SVIL: variants seen among roughly 807,000 people sequenced by gnomAD.
SVIL encodes supervillin, also known as archvillin.
SVIL carries 101 observed loss-of-function variants against 240.4 expected under a neutral mutation model. That is an observed-to-expected ratio of 0.42 (90% confidence interval 0.36 to 0.50). SVIL has a LOEUF of 0.50. Ranked by LOEUF, SVIL falls within the 20% of genes least tolerant of loss-of-function variation. The pLI, the probability that SVIL is intolerant of heterozygous loss-of-function variation, is 0.01. For missense variants in SVIL, 2,512 were observed against 2,818.7 expected (o/e 0.89, Z 2.46); for synonymous variants, 999 against 1,100.0 (o/e 0.91, Z 1.82).
At chr10:29,571,865 G>A (rs570393686) in intron 1 of SVIL, among the ~76,000 whole-genome samples, 1 of 152,288 alleles carries the variant, frequency 6.6e-6, no homozygotes, top group South Asian at 2.1e-4. Flanking sequence ...ATAGACAACT[G>A]TTTGGTGATG....
intron 2 of SVIL, among the ~76,000 whole-genome samples, chr10:29,680,677 G>C (rs1431397513): frequency 6.6e-6 from 1 of 152,212 alleles, no homozygotes; most frequent in African/African-American, 2.4e-5. Flanking sequence ...CCAGCACTTT[G>C]GGAGGCCGAG....
intron 28 of SVIL, 139 bp from the exon 29 acceptor site, chr10:29,480,952 G>A: frequency 9.4e-7 from 1 of 1,061,522 alleles, no homozygotes; most frequent in Non-Finnish European, 1.4e-6. Flanking sequence ...TTTAACTGCA[G>A]TCAGGGAAAG....
chr10:29,526,769 G>A (rs909243361), intron 13 of SVIL, among the ~76,000 whole-genome samples, 192 bp downstream of exon 13: 1 of 152,218 alleles, frequency 6.6e-6, no homozygotes, highest in Non-Finnish European at 1.5e-5. Flanking sequence ...GAGACAAAAT[G>A]TTTTCCCACG....
chr10:29,469,602 G>A (rs1021686054), intron 32 of SVIL, among the ~76,000 whole-genome samples: 11 of 152,208 alleles, frequency 7.2e-5, no homozygotes, highest in African/African-American at 2.4e-4. Flanking sequence ...CGGGGGGGCC[G>A]GCCACCACAG....
At position 29,463,497 on chromosome 10, in the gene SVIL, C is replaced by T. The variant is rs987535972; in HGVS notation, c.6272G>A (p.Cys2091Tyr). The T allele has an allele frequency of 1.2e-6, 2 of 1,613,742 alleles. No homozygotes were observed. Among genetic ancestry groups the T allele is most frequent in the Admixed American group, 1.7e-5 (1 of 59,984 alleles). Residue 2091 changes from cysteine to tyrosine, a missense_variant, in exon 35 of 38, where the codon TGC (cysteine) becomes TAC (tyrosine). Around this residue, in one of 3 missense-constraint regions of SVIL, gnomAD observed 797 missense variants for 925.3 expected, o/e 0.86. Coordinates refer to ENST00000355867, the MANE Select transcript of SVIL (RefSeq NM_021738.3). ...KSAMETVLQY[C>Y]KGKNLKKPAP... ...CATGTTAGAGGGAGCCTCACCTTTG[C>T]AGTACTGGAGCACAGTCTCCATCGC...
intron 1 of SVIL, among the ~76,000 whole-genome samples, chr10:29,733,688 C>G (rs937343466): frequency 2.6e-5 from 4 of 152,204 alleles, no homozygotes; most frequent in African/African-American, 9.7e-5. Context: ...ATGGTGAAGG[C>G]AGCAACCGAA....
chr10:29,650,616 A>T (rs930082222), intron 3 of SVIL, among the ~76,000 whole-genome samples: 24 of 152,142 alleles, frequency 1.6e-4, no homozygotes, highest in African/African-American at 5.8e-4. Flanking sequence ...ATATATGAAC[A>T]GTTAGGACTG....
At chr10:29,540,962 G>A (rs187073500) in intron 6 of SVIL, among the ~76,000 whole-genome samples, 1 of 152,158 alleles carries the variant, frequency 6.6e-6, no homozygotes, top group African/African-American at 2.4e-5. Context: ...GCTCAACTGA[G>A]ATTTTAAAAT....
At chr10:29,693,423 G>T (rs565707213) in intron 1 of SVIL, among the ~76,000 whole-genome samples, 5 of 152,312 alleles carry the variant, frequency 3.3e-5, no homozygotes, top group African/African-American at 1.2e-4. Context: ...CATAGAAAAG[G>T]TTGCAGCTAT....
At chr10:29,655,655 A>C (rs903913909) in intron 3 of SVIL, among the ~76,000 whole-genome samples, 1 of 152,168 alleles carries the variant, frequency 6.6e-6, no homozygotes, top group Admixed American at 6.5e-5. Context: ...AATCAAGTTG[A>C]CACCTAATAT....
intron 1 of SVIL, among the ~76,000 whole-genome samples, chr10:29,716,974 T>C (rs1222529506): frequency 2.6e-5 from 4 of 152,212 alleles, no homozygotes; most frequent in African/African-American, 9.6e-5. Context: ...CTCACGCCTG[T>C]AATCCCAGCA....
chr10:29,638,262 G>C (rs1473178831), upstream of SVIL, among the ~76,000 whole-genome samples: 1 of 152,100 alleles, frequency 6.6e-6, no homozygotes, highest in Non-Finnish European at 1.5e-5. Context: ...AGGAGATTGA[G>C]AACATCCTAG....
At chr10:29,478,662 G>C (rs1379132557) in intron 29 of SVIL, among the ~76,000 whole-genome samples, 1 of 152,006 alleles carries the variant, frequency 6.6e-6, no homozygotes, top group Non-Finnish European at 1.5e-5. Context: ...AAGTAGATGA[G>C]GAATGCTGCT....
chr10:29,649,790 G>T (rs1958782255), intron 3 of SVIL, among the ~76,000 whole-genome samples: 1 of 152,198 alleles, frequency 6.6e-6, no homozygotes, highest in African/African-American at 2.4e-5. Context: ...GTCCCCCAGA[G>T]TTCATGTGCT....
chr10:29,557,388 G>A (rs1015891046), intron 3 of SVIL, among the ~76,000 whole-genome samples: 8 of 151,996 alleles, frequency 5.3e-5, no homozygotes, highest in African/African-American at 1.7e-4. Flanking sequence ...GTGAGCCACC[G>A]CGCCTGGCCT....
chr10:29,476,019 C>T (rs1444213205), intron 29 of SVIL, among the ~76,000 whole-genome samples: 1 of 152,158 alleles, frequency 6.6e-6, no homozygotes, highest in Non-Finnish European at 1.5e-5. Context: ...TTTGACTAAG[C>T]ACAGTCTTTT....
chr10:29,473,920 C>CAGAAGAAGT lies in SVIL; in HGVS notation c.5438_5446dup (p.Tyr1813_Phe1815dup). ...ACTCACGGTGGAGTGCCGGCCTTGC[C>CAGAAGAAGT]AGAAGAAGTAGACGCACTTCTCTTT... On this transcript the variant is annotated inframe_insertion, in exon 30 of 38. Transcript: ENST00000355867. 1.2e-6 allele frequency: 2 copies of CAGAAGAAGT among 1,614,048 alleles called. No individual in the cohort carries two copies. Among genetic ancestry groups the CAGAAGAAGT allele is most frequent in the Non-Finnish European group, 1.7e-6 (2 of 1,180,008 alleles).
At chr10:29,627,298 A>G (rs1349603972) in intron 1 of SVIL, among the ~76,000 whole-genome samples, 1 of 152,120 alleles carries the variant, frequency 6.6e-6, no homozygotes, top group African/African-American at 2.4e-5. Context: ...AAACCTTTGG[A>G]TTACAGAATC....
intron 2 of SVIL, among the ~76,000 whole-genome samples, chr10:29,671,286 C>A (rs1959754975): frequency 6.6e-6 from 1 of 152,124 alleles, no homozygotes; most frequent in African/African-American, 2.4e-5. Context: ...TCACGTAGCC[C>A]CGGGATAGAT....
Sources: allele counts gnomAD v4.1 joint callset (sites outside exome capture counted in the v4.1 genomes callset), GRCh38; gene constraint gnomAD v4.1.1; regional missense constraint gnomAD v4.1.1; transcripts MANE v1.5; gene names NCBI Gene and HGNC (gene_info 2026-07-23, HGNC 2026-07-21).